Variants in GVQW3 observed in about 807,000 individuals in gnomAD.
The protein encoded by GVQW3 is GVQW motif containing 3.
Under a neutral mutation model 12.5 loss-of-function variants are expected in GVQW3, and 7 were observed. The observed-to-expected ratio is 0.56, with a 90% CI of 0.32 to 1.05. GVQW3 has a LOEUF of 1.05. Among genes scored for constraint, GVQW3 ranks in the 50% least tolerant of loss-of-function variants. The pLI is 0.04. For missense variants in GVQW3, 188 were observed against 190.8 expected, an observed-to-expected ratio of 0.99 and a Z score of 0.09; for synonymous variants, 71 against 67.2, an observed-to-expected ratio of 1.06 and a Z score of -0.28.
intron 1 of GVQW3, among the ~76,000 whole-genome samples, chr11:76,391,628 C>A (rs1946893129): frequency 6.6e-6 from 1 of 152,196 alleles, no homozygotes; most frequent in Admixed American, 6.5e-5. Context: ...TGTCATCAGA[C>A]CCATCTCCTT....
intron 1 of GVQW3, among the ~76,000 whole-genome samples, chr11:76,384,960 C>T (rs1946817709): frequency 6.6e-6 from 1 of 152,064 alleles, no homozygotes; most frequent in Non-Finnish European, 1.5e-5. Flanking sequence ...GCCAGGATCC[C>T]ACAACCATAC....
At chr11:76,390,073 T>C (rs1467023672) in intron 1 of GVQW3, 4 of 152,210 alleles carry the variant, frequency 2.6e-5, no homozygotes. Flanking sequence ...GAAATTGTTA[T>C]GTTGGGAAAA....
In GVQW3 at chr11:76,381,601, T is replaced by C; in HGVS notation, c.-228T>C. On this transcript the variant is annotated 5_prime_UTR_variant, in exon 1 of 2. Coordinates refer to ENST00000529331, the MANE Select transcript of GVQW3 (RefSeq NM_001347885.2). ...GCAGACGTGGTTGTAGGCGATTTAA[T>C]TTTTCCCAGCTTTGCAGCGACTGTT... The C allele has an allele frequency of 2.1e-6, 1 of 475,270 alleles. No homozygotes were observed. Among genetic ancestry groups the C allele is most frequent in the South Asian group, 3.5e-5 (1 of 28,600 alleles). 29.4% of individuals were successfully genotyped at this position (475,270 alleles called of 1,614,324 possible).
chr11:76,383,556 G>T, intron 1 of GVQW3: 1 of 152,412 alleles, frequency 6.6e-6, no homozygotes, highest in Non-Finnish European at 1.5e-5. Flanking sequence ...TGAGGTGGGT[G>T]GATCACAAGG....
rs763999316 is a variant in GVQW3, at chr11:76,381,989, G to A, written c.161G>A (p.Arg54Gln). 9 of 1,536,382 alleles carry A rather than the reference G, an allele frequency of 5.9e-6. No individual in the cohort carries two copies. The Admixed American group carries it at 5.9e-5, about 10-fold the overall frequency. The part of the protein sequence containing the change: ...FDWHKRFKEG[R>Q]EDVRDDARSG... ...TGGCACAAAAGGTTTAAAGAAGGACGGGAAGATGTTCGAGATGATGCCCGA... is the reference window on the plus strand; with the variant it reads ...TGGCACAAAAGGTTTAAAGAAGGACAGGAAGATGTTCGAGATGATGCCCGA... The change falls in exon 1 of 2, where the codon CGG becomes CAG. Residue 54 changes from arginine to glutamine, a missense_variant. Arg to Gln is a conservative substitution (Grantham distance 43). Transcript: ENST00000529331.
chr11:76,404,163 T>C lies in GVQW3; in HGVS notation c.*405T>C, dbSNP rs1947017832. On this transcript the variant is annotated 3_prime_UTR_variant, in exon 2 of 2. Coordinates refer to ENST00000529331, the MANE Select transcript of GVQW3 (RefSeq NM_001347885.2). ...ATTTTAGACTAGTTAAGTTCAGTAG[T>C]GAGAAAGAGGGAAGGAATAGAACGA... The C allele has an allele frequency of 2.4e-6, 1 of 424,930 alleles. No individual in the cohort carries two copies. Among genetic ancestry groups the C allele is most frequent in the South Asian group, 7.4e-5 (1 of 13,544 alleles). The allele number at this position is 424,930 out of a possible 1,614,324, so 26.3% of individuals were successfully genotyped here. A position where few individuals can be genotyped will look rare whatever the true frequency, so the allele number is the denominator to read the frequency against.
intron 1 of GVQW3, chr11:76,382,569 A>G (rs1208231431): frequency 3.4e-6 from 2 of 596,338 alleles, no homozygotes; most frequent in South Asian, 2.1e-5. Context: ...CCTATGTGCC[A>G]TGGCCCTCCT....
chr11:76,390,332 C>A (rs1008715747), intron 1 of GVQW3, among the ~76,000 whole-genome samples: 1 of 152,138 alleles, frequency 6.6e-6, no homozygotes, highest in Non-Finnish European at 1.5e-5. Flanking sequence ...TTGGGCAGTT[C>A]ATTTGTACCC....
chr11:76,382,681 C>T (rs1946789051), intron 1 of GVQW3: 4 of 486,864 alleles, frequency 8.2e-6, no homozygotes, highest in Non-Finnish European at 1.4e-5. Context: ...TTCTTGATTT[C>T]TTTTGCTCAA....
At chr11:76,387,307 GTGTC>G (rs1946844374) in intron 1 of GVQW3, among the ~76,000 whole-genome samples, 1 of 151,996 alleles carries the variant, frequency 6.6e-6, no homozygotes, top group Admixed American at 6.6e-5. Context: ...GTGGTGGTGT[GTGTC>G]TGTAATCCCA....
At chr11:76,387,553 A>C (rs1440574119) in intron 1 of GVQW3, among the ~76,000 whole-genome samples, 1 of 152,180 alleles carries the variant, frequency 6.6e-6, no homozygotes, top group Non-Finnish European at 1.5e-5. Context: ...TGTATATAAA[A>C]ATGACAGATG....
chr11:76,409,080 T>G (rs906570095), downstream of GVQW3, among the ~76,000 whole-genome samples: 1 of 152,174 alleles, frequency 6.6e-6, no homozygotes, highest in Admixed American at 6.5e-5. Flanking sequence ...GAAAGAAAAT[T>G]CAGTGTCCGC....
intron 1 of GVQW3, chr11:76,382,570 T>C (rs1946788473): frequency 1.7e-6 from 1 of 597,040 alleles, no homozygotes; most frequent in Admixed American, 3.0e-5. Context: ...CTATGTGCCA[T>C]GGCCCTCCTC....
intron 1 of GVQW3, among the ~76,000 whole-genome samples, chr11:76,400,823 C>T (rs913500971): frequency 2.6e-5 from 4 of 152,128 alleles, no homozygotes; most frequent in Admixed American, 1.3e-4. Flanking sequence ...CTCTTTATCT[C>T]TCTTTACTCC....
In GVQW3 at chr11:76,405,252, A is replaced by T. The variant is rs750038039; in HGVS notation, c.*1494A>T. On this transcript the variant is annotated 3_prime_UTR_variant, in exon 2 of 2. Transcript: ENST00000529331. ...TCCCAGCAGAGTTCTACTAAATCTCATTGGCCCAAGGGAGCTGCAGTGGTA... is the reference window on the plus strand; with the variant it reads ...TCCCAGCAGAGTTCTACTAAATCTCTTTGGCCCAAGGGAGCTGCAGTGGTA... 1 of 151,590 alleles carries T rather than the reference A, an allele frequency of 6.6e-6. No homozygotes were observed. The highest frequency in any genetic ancestry group is 1.5e-5 in the Non-Finnish European group (1 of 67,890). 9.4% of individuals were successfully genotyped at this position (151,590 alleles called of 1,614,324 possible).
At chr11:76,399,108 G>T (rs537947330) in intron 1 of GVQW3, among the ~76,000 whole-genome samples, 45 of 152,126 alleles carry the variant, frequency 3.0e-4, no homozygotes, top group South Asian at 1.7e-3. Flanking sequence ...GTATTGTATT[G>T]TATTTTATTT....
At chr11:76,397,939 C>T (rs1388330409) in intron 1 of GVQW3, among the ~76,000 whole-genome samples, 1 of 151,784 alleles carries the variant, frequency 6.6e-6, no homozygotes, top group East Asian at 1.9e-4. Context: ...GTTTTGAGAC[C>T]AGCCTGGCCA....
At position 76,405,565 on chromosome 11, in the gene GVQW3, G is replaced by A. The variant is rs1187017341; in HGVS notation, c.*1807G>A. 2 of 152,214 alleles carry A rather than the reference G, an allele frequency of 1.3e-5. No homozygotes were observed. Among genetic ancestry groups the A allele is most frequent in the African/African-American group, 4.8e-5 (2 of 41,432 alleles). 9.4% of individuals were successfully genotyped at this position (152,214 alleles called of 1,614,324 possible). A position where few individuals can be genotyped will look rare whatever the true frequency, so the allele number is the denominator to read the frequency against. Reference sequence around the variant, plus strand: ...ATTTCTTTCTGACTGAAGTCTGAGGGCTCTTTCCATTGCCATGCTATGTTC... The same window carrying A: ...ATTTCTTTCTGACTGAAGTCTGAGGACTCTTTCCATTGCCATGCTATGTTC... On this transcript the variant is annotated 3_prime_UTR_variant, in exon 2 of 2. Transcript: ENST00000529331.
intron 1 of GVQW3, among the ~76,000 whole-genome samples, chr11:76,395,450 G>T (rs1295905704): frequency 1.3e-5 from 2 of 152,142 alleles, no homozygotes; most frequent in African/African-American, 4.8e-5. Context: ...TGGCCATTGG[G>T]TGTTTTTTCA....
Sources: allele counts gnomAD v4.1 joint callset (sites outside exome capture counted in the v4.1 genomes callset), GRCh38; gene constraint gnomAD v4.1.1; transcripts MANE v1.5; gene names NCBI Gene and HGNC (gene_info 2026-07-23, HGNC 2026-07-21).